Variants in IFT52 observed in about 807,000 individuals in gnomAD.
The protein encoded by IFT52 is intraflagellar transport 52, also known as intraflagellar transport protein 52 homolog.
IFT52 carries 44 observed loss-of-function variants against 54.4 expected under a neutral mutation model. The ratio of observed to expected loss-of-function variants is 0.81; its 90% CI spans 0.63 to 1.04. The LOEUF (loss-of-function observed/expected upper bound fraction) is 1.04. Ranked by LOEUF, IFT52 falls within the 50% of genes least tolerant of loss-of-function variation. IFT52 has a pLI of 0.00. For synonymous variants in IFT52, 181 were observed against 185.3 expected (o/e 0.98, Z 0.19); for missense variants, 452 against 523.6 (o/e 0.86, Z 1.33).
At chr20:43,633,042 C>CTT (rs1985277990) in intron 10 of IFT52, among the ~76,000 whole-genome samples, 1 of 152,070 alleles carries the variant, frequency 6.6e-6, no homozygotes, top group South Asian at 2.1e-4. Context: ...ATAGCTTTAA[C>CTT]TTTTTAAAAG....
At chr20:43,616,966 T>C (rs1177178072) in intron 7 of IFT52, among the ~76,000 whole-genome samples, 1 of 152,182 alleles carries the variant, frequency 6.6e-6, no homozygotes, top group Non-Finnish European at 1.5e-5. Context: ...TGAGCCATGA[T>C]TGTGCCACTG....
chr20:43,623,746 A>T, intron 9 of IFT52, 145 bp from the exon 10 acceptor site: 2 of 893,074 alleles, frequency 2.2e-6, no homozygotes, highest in Non-Finnish European at 3.4e-6. Context: ...TGGCTTATTT[A>T]AGGTTTAGTG....
intron 10 of IFT52, among the ~76,000 whole-genome samples, chr20:43,624,329 G>A (rs1010525629): frequency 6.6e-6 from 1 of 152,138 alleles, no homozygotes; most frequent in Admixed American, 6.6e-5. Context: ...AGCACAGAGA[G>A]TCCCAAGTCC....
At chr20:43,640,445 G>A (rs1020393514) in intron 12 of IFT52, among the ~76,000 whole-genome samples, 1 of 152,088 alleles carries the variant, frequency 6.6e-6, no homozygotes, top group Non-Finnish European at 1.5e-5. Context: ...GGGTGACAGA[G>A]TGGGACTCCA....
chr20:43,601,932 C>T (rs147781261), intron 3 of IFT52, among the ~76,000 whole-genome samples: 2,446 of 152,198 alleles, frequency 0.016, 29 homozygotes, highest in Non-Finnish European at 0.027. Context: ...CTGTTACACA[C>T]CTAGTAACAG....
rs191541218 is a variant in IFT52, at chr20:43,624,770, C to A, written c.923+725C>A. On this transcript the variant is annotated intron_variant, in intron 10 of 13. Coordinates refer to ENST00000373030, the MANE Select transcript of IFT52 (RefSeq NM_016004.5). ...AGAAGCAGAGGGGTTCAGAAAGGGCCAGGGCTCATCTTCACTGTTTCTAAC... is the reference window on the plus strand; with the variant it reads ...AGAAGCAGAGGGGTTCAGAAAGGGCAAGGGCTCATCTTCACTGTTTCTAAC... Among the ~76,000 whole-genome samples, 409 of 152,234 alleles carry A rather than the reference C, an allele frequency of 2.7e-3. 4 individuals are homozygous for A. The highest frequency in any genetic ancestry group is 5.1e-3 in the Non-Finnish European group (345 of 68,010).
intron 7 of IFT52, among the ~76,000 whole-genome samples, chr20:43,614,544 TTG>T (rs1409066329): frequency 1.3e-4 from 19 of 151,096 alleles, no homozygotes; most frequent in Admixed American, 2.0e-4. Flanking sequence ...TTTTTTTTTT[TTG>T]ATCCCATGGC....
At chr20:43,630,291 G>A (rs563930370) in intron 10 of IFT52, among the ~76,000 whole-genome samples, 1 of 152,306 alleles carries the variant, frequency 6.6e-6, no homozygotes, top group African/African-American at 2.4e-5. Flanking sequence ...CCCCTGATAT[G>A]TTTAAACCAG....
At chr20:43,600,920 G>T (rs924138960) in intron 3 of IFT52, among the ~76,000 whole-genome samples, 9 of 152,058 alleles carry the variant, frequency 5.9e-5, no homozygotes, top group Non-Finnish European at 1.2e-4. Context: ...GCAGTGAGCC[G>T]AGATCGAGCC....
intron 1 of IFT52, 97 bp downstream of exon 1, chr20:43,591,151 C>T (rs1981478332): frequency 6.6e-6 from 1 of 152,290 alleles, no homozygotes; most frequent in Non-Finnish European, 1.5e-5. Context: ...CTGGGCCGGT[C>T]ATAGAACATC....
intron 5 of IFT52, among the ~76,000 whole-genome samples, chr20:43,604,585 AT>A (rs1333025952): frequency 1.3e-5 from 2 of 152,150 alleles, no homozygotes; most frequent in African/African-American, 4.8e-5. Context: ...CAAAAAAAAA[AT>A]AAAGCAGAAA....
chr20:43,604,903 A>G, intron 5 of IFT52, 99 bp from the exon 6 acceptor site: 2 of 1,259,784 alleles, frequency 1.6e-6, no homozygotes, highest in Non-Finnish European at 2.3e-6. Flanking sequence ...AGGCTTAAGC[A>G]ATCCTCCCAC....
intron 6 of IFT52, among the ~76,000 whole-genome samples, chr20:43,607,993 C>G (rs1012923416): frequency 6.6e-6 from 1 of 152,294 alleles, no homozygotes; most frequent in East Asian, 1.9e-4. Flanking sequence ...AAAAAAAATA[C>G]GAAAACCAGA....
chr20:43,631,924 C>CTTT (rs561193928), intron 10 of IFT52, among the ~76,000 whole-genome samples: 1 of 137,676 alleles, frequency 7.3e-6, no homozygotes, highest in African/African-American at 2.7e-5. Context: ...TCTGATTTGT[C>CTTT]TTTTTTTTTT....
At chr20:43,641,926 T>C (rs1985948942) in intron 12 of IFT52, among the ~76,000 whole-genome samples, 1 of 152,156 alleles carries the variant, frequency 6.6e-6, no homozygotes, top group Admixed American at 6.5e-5. Context: ...CCCGAGTAGC[T>C]GGGATTACAG....
At chr20:43,601,747 A>G (rs951064575) in intron 3 of IFT52, among the ~76,000 whole-genome samples, 3 of 152,248 alleles carry the variant, frequency 2.0e-5, no homozygotes, top group Non-Finnish European at 4.4e-5. Context: ...GTCATAGAAC[A>G]TAGCATATAT....
At chr20:43,615,885 G>T (rs1244055582) in intron 7 of IFT52, among the ~76,000 whole-genome samples, 1 of 152,078 alleles carries the variant, frequency 6.6e-6, no homozygotes, top group African/African-American at 2.4e-5. Flanking sequence ...GCAGTGAGCC[G>T]AGATTGTGCC....
intron 1 of IFT52, among the ~76,000 whole-genome samples, chr20:43,594,189 T>C (rs1206798632): frequency 6.6e-6 from 1 of 151,978 alleles, no homozygotes; most frequent in Non-Finnish European, 1.5e-5. Flanking sequence ...GTGCCTGTAA[T>C]CCTGGCAACT....
chr20:43,595,316 CAAAAAAAAAAAAAAA>C lies in IFT52; in HGVS notation c.119+507_119+521del. On this transcript the variant is annotated intron_variant, in intron 2 of 13. Coordinates refer to ENST00000373030, the MANE Select transcript of IFT52 (RefSeq NM_016004.5). ...TGGGCAACAGAGTGAGACTCCGTCT[CAAAAAAAAAAAAAAA>C]AAAAAAAGAAAGATCAAGACCATCC... Among the ~76,000 whole-genome samples, 3 of 62,922 alleles carry C rather than the reference CAAAAAAAAAAAAAAA, an allele frequency of 4.8e-5. No individual in the cohort carries two copies. The South Asian group carries it at 2.1e-3, about 45-fold the overall frequency. The allele number at this position is 62,922 out of a possible 152,430, so 41.3% of individuals were successfully genotyped here.
Sources: allele counts gnomAD v4.1 joint callset (sites outside exome capture counted in the v4.1 genomes callset), GRCh38; gene constraint gnomAD v4.1.1; transcripts MANE v1.5; gene names NCBI Gene and HGNC (gene_info 2026-07-23, HGNC 2026-07-21).